Variants in CDIN1 observed in about 807,000 individuals in gnomAD.
CDIN1 encodes CDAN1 interacting nuclease 1, also known as CDAN1-interacting nuclease 1.
Under a neutral mutation model 45.3 loss-of-function variants are expected in CDIN1, and 33 were observed. That is an observed-to-expected ratio of 0.73 (90% CI 0.55 to 0.97). The LOEUF is 0.97. CDIN1 is among the 50% of genes least tolerant of loss of function. CDIN1 has a pLI of 0.00. For missense variants in CDIN1, 303 were observed against 339.4 expected (o/e 0.89, Z 0.84); for synonymous variants, 118 against 124.4 (o/e 0.95, Z 0.34).
rs1398873119 is a variant in CDIN1, at chr15:36,735,434, A to T, written c.716+25473A>T. 2.0e-5 allele frequency among the ~76,000 whole-genome samples: 3 copies of T among 152,218 alleles called. No homozygotes were observed. The South Asian group carries it at 6.2e-4, about 32-fold the overall frequency. On this transcript the variant is annotated intron_variant, in intron 10 of 10. Coordinates refer to ENST00000566621, the MANE Select transcript of CDIN1 (RefSeq NM_001321759.2). ...GTAAGGATTTCCCTATTATCATTCTATCATATCAGTTATTTTAAATATGCT... is the reference window on the plus strand; with the variant it reads ...GTAAGGATTTCCCTATTATCATTCTTTCATATCAGTTATTTTAAATATGCT...
intron 1 of CDIN1, among the ~76,000 whole-genome samples, chr15:36,630,890 A>G (rs2039650676): frequency 6.6e-6 from 1 of 152,184 alleles, no homozygotes. Flanking sequence ...TAGAGAACCA[A>G]TAGAGCAAGA....
chr15:36,622,817 G>C (rs547047333), intron 1 of CDIN1, among the ~76,000 whole-genome samples: 2 of 152,366 alleles, frequency 1.3e-5, no homozygotes, highest in Admixed American at 1.3e-4. Flanking sequence ...ACTTCCCCAG[G>C]TGGGTCCTGT....
chr15:36,618,912 C>A, intron 1 of CDIN1: 2 of 1,329,992 alleles, frequency 1.5e-6, no homozygotes, highest in Non-Finnish European at 2.2e-6. Context: ...ATAAATGTAG[C>A]TACACCGTGA....
At chr15:36,597,635 G>A (rs1441034522) in intron 1 of CDIN1, among the ~76,000 whole-genome samples, 2 of 152,102 alleles carry the variant, frequency 1.3e-5, no homozygotes, top group Non-Finnish European at 2.9e-5. Context: ...TGACTTCATC[G>A]TCTTTATCTT....
Position 36,626,457 on chromosome 15 carries a change from C to T in CDIN1, c.102-17821C>T, listed in dbSNP as rs141300719. Among the ~76,000 whole-genome samples, 950 of 152,048 alleles carry T rather than the reference C, an allele frequency of 6.2e-3. 10 individuals are homozygous for T. Among genetic ancestry groups the T allele is most frequent in the Non-Finnish European group, 0.01 (711 of 67,988 alleles). The stretch of plus-strand genomic sequence containing the variant: ...TAAGTTTCAAAAGCCAGACGAGTTC[C>T]ACAATCATTGCTTTCCACCGTAGGG... On this transcript the variant is annotated intron_variant, in intron 1 of 10. Transcript: ENST00000566621.
At chr15:36,637,837 A>C (rs1427774646) in intron 1 of CDIN1, among the ~76,000 whole-genome samples, 2 of 152,196 alleles carry the variant, frequency 1.3e-5, no homozygotes, top group African/African-American at 4.8e-5. Context: ...ATGCTGTGTA[A>C]TCTACTTAAT....
intron 1 of CDIN1, among the ~76,000 whole-genome samples, chr15:36,622,552 A>G (rs1033475210): frequency 6.6e-6 from 1 of 152,236 alleles, no homozygotes; most frequent in Non-Finnish European, 1.5e-5. Flanking sequence ...TCTAAAGACA[A>G]GATCTTCATA....
rs2043319650 is a variant in CDIN1, at chr15:36,719,130, G to A, written c.716+9169G>A. ...CTAGCTACTCAGAAATCTGAGATGG[G>A]AGGATCACTTGAGCCCAGGAATTTG... On this transcript the variant is annotated intron_variant, in intron 10 of 10. Coordinates refer to ENST00000566621, the MANE Select transcript of CDIN1 (RefSeq NM_001321759.2). 1.3e-5 allele frequency among the ~76,000 whole-genome samples: 2 copies of A among 151,986 alleles called. 1 individual carries two copies. Among genetic ancestry groups the A allele is most frequent in the South Asian group, 4.1e-4 (2 of 4,826 alleles).
chr15:36,707,486 A>G (rs1242826827), intron 8 of CDIN1: 1 of 152,204 alleles, frequency 6.6e-6, no homozygotes. Context: ...TTTAAATTGT[A>G]GATATTATGT....
At chr15:36,717,608 A>C (rs1479354939) in intron 10 of CDIN1, among the ~76,000 whole-genome samples, 1 of 152,140 alleles carries the variant, frequency 6.6e-6, no homozygotes, top group Non-Finnish European at 1.5e-5. Flanking sequence ...GGCTATTACT[A>C]ATAAAGCTGA....
intron 1 of CDIN1, among the ~76,000 whole-genome samples, chr15:36,622,435 C>T (rs1226965709): frequency 6.6e-6 from 1 of 152,118 alleles, no homozygotes; most frequent in East Asian, 1.9e-4. Flanking sequence ...AGTACAGCAG[C>T]TGTGTGGACT....
chr15:36,801,644 C>T lies in CDIN1; in HGVS notation c.717-6680C>T, dbSNP rs139753855. ...GTGGCAGTGTTCTGGATTTACTCCT[C>T]TTCCCTCATGTTTAGATTCTGCCCC... On this transcript the variant is annotated intron_variant, in intron 10 of 10. Transcript: ENST00000566621. Among the ~76,000 whole-genome samples the T allele has an allele frequency of 5.9e-3, 899 of 152,216 alleles. 12 individuals are homozygous for T. Among genetic ancestry groups the T allele is most frequent in the African/African-American group, 0.02 (841 of 41,538 alleles).
At chr15:36,716,863 A>G (rs1047284912) in intron 10 of CDIN1, among the ~76,000 whole-genome samples, 3 of 152,138 alleles carry the variant, frequency 2.0e-5, no homozygotes, top group African/African-American at 4.8e-5. Flanking sequence ...GGCAGTAGGG[A>G]CTCAGCCCCT....
intron 3 of CDIN1, 71 bp from the exon 4 acceptor site, chr15:36,654,027 C>G (rs2040679714): frequency 8.7e-7 from 1 of 1,143,364 alleles, no homozygotes; most frequent in East Asian, 2.6e-5. Context: ...TGTATACACA[C>G]AGGGGATGCT....
intron 2 of CDIN1, 117 bp from the exon 3 acceptor site, chr15:36,645,106 T>C (rs183636252): frequency 1.3e-6 from 1 of 750,900 alleles, no homozygotes; most frequent in Admixed American, 2.3e-5. Context: ...TCCCAAGCTG[T>C]TATTCAGTGT....
chr15:36,605,968 T>G (rs112727901), intron 1 of CDIN1, among the ~76,000 whole-genome samples: 1 of 152,198 alleles, frequency 6.6e-6, no homozygotes, highest in African/African-American at 2.4e-5. Flanking sequence ...ATTGTAGAAG[T>G]GGGAATTTGA....
intron 10 of CDIN1, among the ~76,000 whole-genome samples, chr15:36,777,049 G>A (rs1164902778): frequency 6.6e-6 from 1 of 152,054 alleles, no homozygotes; most frequent in Non-Finnish European, 1.5e-5. Flanking sequence ...TTAAAGGTTA[G>A]TCTGAATTTG....
intron 10 of CDIN1, among the ~76,000 whole-genome samples, chr15:36,729,937 G>A (rs544594140): frequency 2.6e-5 from 4 of 152,204 alleles, no homozygotes; most frequent in African/African-American, 9.6e-5. Flanking sequence ...GTTCTGTCAA[G>A]TTATTATTAT....
At chr15:36,614,225 T>C (rs1379913590) in intron 1 of CDIN1, 1 of 627,594 alleles carries the variant, frequency 1.6e-6, no homozygotes, top group Non-Finnish European at 3.0e-6. Context: ...ACCCTGCTGC[T>C]GCTCCTCCCT....
Sources: allele counts gnomAD v4.1 joint callset (sites outside exome capture counted in the v4.1 genomes callset), GRCh38; gene constraint gnomAD v4.1.1; transcripts MANE v1.5; gene names NCBI Gene and HGNC (gene_info 2026-07-23, HGNC 2026-07-21).